Variants in STPG2 observed in about 807,000 individuals in gnomAD.
STPG2 encodes sperm tail PG-rich repeat containing 2.
Under a neutral mutation model 54.2 loss-of-function variants are expected in STPG2, and 56 were observed. The ratio of observed to expected loss-of-function variants is 1.03; its 90% CI spans 0.83 to 1.29. The LOEUF (loss-of-function observed/expected upper bound fraction) is 1.29, where lower values mean the gene tolerates loss of function less well. Among genes scored for constraint, STPG2 ranks in the 50% most tolerant of loss-of-function variants. The pLI is 0.00. For missense variants in STPG2, 596 were observed against 544.9 expected, an observed-to-expected ratio of 1.09 and a Z score of -0.93; for synonymous variants, 200 against 181.8, an observed-to-expected ratio of 1.10 and a Z score of -0.81.
chr4:97,863,552 T>C (rs893463025), intron 8 of STPG2, among the ~76,000 whole-genome samples: 1 of 152,168 alleles, frequency 6.6e-6, no homozygotes, highest in Non-Finnish European at 1.5e-5. Context: ...CTTCTGAAAT[T>C]ATTCCAGTCA....
At chr4:97,713,099 G>T (rs1160569137) in intron 9 of STPG2, among the ~76,000 whole-genome samples, 1 of 152,152 alleles carries the variant, frequency 6.6e-6, no homozygotes, top group South Asian at 2.1e-4. Flanking sequence ...GAATGAAGAT[G>T]CTTAACTCTT....
chr4:97,691,649 C>G (rs534785156), intron 10 of STPG2, among the ~76,000 whole-genome samples: 80 of 152,234 alleles, frequency 5.3e-4, no homozygotes, highest in African/African-American at 1.9e-3. Flanking sequence ...GCCCTACCCA[C>G]CACCTAACCC....
rs1308148501 is a variant in STPG2 at position 97,616,042 on chromosome 4, A to AAT, written c.1321-56926_1321-56925insAT. On this transcript the variant is annotated intron_variant, in intron 10 of 10. Transcript: ENST00000295268. ...ACAGAGCAAGACTCTGTCTCAAAAAAAAAAAATACATATAAATATATATAT... is the reference window on the plus strand; with the variant it reads ...ACAGAGCAAGACTCTGTCTCAAAAAAATAAAAAATACATATAAATATATATAT... Among the ~76,000 whole-genome samples the AAT allele has an allele frequency of 4.2e-5, 5 of 117,708 alleles. 2 individuals carry two copies. The highest frequency in any genetic ancestry group is 1.6e-4 in the African/African-American group (5 of 30,502). 77.2% of individuals were successfully genotyped at this position (117,708 alleles called of 152,430 possible). A position where few individuals can be genotyped will look rare whatever the true frequency, so the allele number is the denominator to read the frequency against.
At chr4:97,862,462 T>C (rs1270983916) in intron 8 of STPG2, among the ~76,000 whole-genome samples, 1 of 152,082 alleles carries the variant, frequency 6.6e-6, no homozygotes, top group Admixed American at 6.6e-5. Flanking sequence ...CTTAGAGACC[T>C]GCAAAGAGAC....
intron 8 of STPG2, among the ~76,000 whole-genome samples, chr4:97,907,259 C>T (rs1731469294): frequency 6.6e-6 from 1 of 151,116 alleles, no homozygotes; most frequent in African/African-American, 2.4e-5. Context: ...AGTGAACTCC[C>T]ATTCACAATT....
chr4:97,509,604 G>A (rs1389082827), intron 4 of STPG2, among the ~76,000 whole-genome samples: 1 of 151,972 alleles, frequency 6.6e-6, no homozygotes, highest in East Asian at 1.9e-4. Flanking sequence ...TTTTTTAGGT[G>A]TTAACACTAG....
chr4:97,981,021 C>G, intron 6 of STPG2, 138 bp downstream of exon 6: 1 of 806,292 alleles, frequency 1.2e-6, no homozygotes, highest in Non-Finnish European at 1.9e-6. Context: ...ATAGTGAATG[C>G]TTTAAAAAAT....
intron 2 of STPG2, among the ~76,000 whole-genome samples, chr4:98,133,582 T>C (rs927156520): frequency 6.6e-6 from 1 of 152,056 alleles, no homozygotes; most frequent in Non-Finnish European, 1.5e-5. Flanking sequence ...AAAATAACTT[T>C]AATGATTTAT....
chr4:97,834,058 C>A (rs1050875461), intron 9 of STPG2, among the ~76,000 whole-genome samples: 1 of 152,042 alleles, frequency 6.6e-6, no homozygotes, highest in African/African-American at 2.4e-5. Flanking sequence ...CACATGCACA[C>A]GTATGTGTAT....
chr4:97,913,890 T>C (rs917278041), intron 8 of STPG2, among the ~76,000 whole-genome samples: 2 of 152,012 alleles, frequency 1.3e-5, no homozygotes, highest in African/African-American at 4.8e-5. Flanking sequence ...ACATTTACAA[T>C]AATATAATTT....
intron 10 of STPG2, among the ~76,000 whole-genome samples, chr4:97,564,573 G>A (rs1428638228): frequency 9.2e-5 from 14 of 152,044 alleles, no homozygotes; most frequent in Non-Finnish European, 1.8e-4. Context: ...GACTGGTACT[G>A]GTTGTTCCTT....
At chr4:97,920,507 C>G (rs763915382) in intron 8 of STPG2, among the ~76,000 whole-genome samples, 1 of 151,946 alleles carries the variant, frequency 6.6e-6, no homozygotes, top group South Asian at 2.1e-4. Context: ...GTTGATGTTA[C>G]GTAGTGAGGG....
intron 10 of STPG2, among the ~76,000 whole-genome samples, chr4:97,678,839 T>C (rs1722936206): frequency 6.8e-6 from 1 of 148,100 alleles, no homozygotes; most frequent in Admixed American, 6.8e-5. Flanking sequence ...TGTGTTCTCA[T>C]TGTTCAATTC....
rs190109543 is a variant in STPG2, at chr4:97,662,864, T to G, written c.1320+49835A>C. Reference sequence around the variant, plus strand: ...TGCTTACTACCTGGGTGACAGGATCTGTACCCCAAACTTCAACATCACACA... The same window carrying G: ...TGCTTACTACCTGGGTGACAGGATCGGTACCCCAAACTTCAACATCACACA... On this transcript the variant is annotated intron_variant, in intron 10 of 10. Coordinates refer to ENST00000295268, the MANE Select transcript of STPG2 (RefSeq NM_174952.3). 4.1e-3 allele frequency among the ~76,000 whole-genome samples: 631 copies of G among 152,238 alleles called. 3 individuals are homozygous for G. Among genetic ancestry groups the G allele is most frequent in the South Asian group, 0.02 (98 of 4,828 alleles).
chr4:97,519,746 G>A (rs1044558682), intron 4 of STPG2, among the ~76,000 whole-genome samples: 1 of 151,680 alleles, frequency 6.6e-6, no homozygotes. Flanking sequence ...AACACTGGTG[G>A]GAACTAGATT....
intron 10 of STPG2, among the ~76,000 whole-genome samples, chr4:97,636,015 C>T (rs1000564466): frequency 6.6e-6 from 1 of 152,106 alleles, no homozygotes; most frequent in Non-Finnish European, 1.5e-5. Context: ...CAGAACTCTC[C>T]ACCCCAAATC....
chr4:97,481,295 T>C (rs1321284620), intron 4 of STPG2, among the ~76,000 whole-genome samples: 1 of 151,588 alleles, frequency 6.6e-6, no homozygotes, highest in Non-Finnish European at 1.5e-5. Context: ...TAGAGTATAT[T>C]CTTGAAATTA....
chr4:98,024,759 A>G (rs996472166), intron 5 of STPG2, among the ~76,000 whole-genome samples: 11 of 152,202 alleles, frequency 7.2e-5, no homozygotes, highest in Admixed American at 5.9e-4. Context: ...CTTTCTCTCA[A>G]TATAATTACT....
At chr4:97,775,241 A>G (rs1291791118) in intron 9 of STPG2, among the ~76,000 whole-genome samples, 2 of 152,108 alleles carry the variant, frequency 1.3e-5, no homozygotes, top group Non-Finnish European at 2.9e-5. Context: ...ATGTAAAGAG[A>G]AATTAACTGA....
Sources: allele counts gnomAD v4.1 joint callset (sites outside exome capture counted in the v4.1 genomes callset), GRCh38; gene constraint gnomAD v4.1.1; transcripts MANE v1.5; gene names NCBI Gene and HGNC (gene_info 2026-07-23, HGNC 2026-07-21).